The following CPEB3 variants were observed in gnomAD, a reference collection of about 807,000 sequenced individuals.
CPEB3 encodes cytoplasmic polyadenylation element-binding protein 3.
Under a neutral mutation model 67.2 loss-of-function variants are expected in CPEB3, and 20 were observed. That is an observed-to-expected ratio of 0.30 (90% confidence interval 0.21 to 0.43). The LOEUF is 0.43. Among genes scored for constraint, CPEB3 ranks in the 20% least tolerant of loss-of-function variants. The probability of loss-of-function intolerance (pLI) is 1.00; values close to 1 mark genes in which losing one functional copy is unlikely to be tolerated. For synonymous variants in CPEB3, 376 were observed against 393.1 expected (o/e 0.96, Z 0.51); for missense variants, 746 against 968.6 (o/e 0.77, Z 3.05).
At chr10:92,156,495 G>C (rs1296571119) in intron 4 of CPEB3, among the ~76,000 whole-genome samples, 1 of 152,136 alleles carries the variant, frequency 6.6e-6, no homozygotes, top group Non-Finnish European at 1.5e-5. Flanking sequence ...GAAAACTAGA[G>C]GGAAAATCTT....
intron 1 of CPEB3, chr10:92,272,132 G>C (rs143509457): frequency 6.6e-6 from 1 of 152,144 alleles, no homozygotes; most frequent in East Asian, 1.9e-4. Flanking sequence ...GTTAAGCATG[G>C]CCCCATAATT....
intron 9 of CPEB3, among the ~76,000 whole-genome samples, chr10:92,080,891 G>C (rs770924901): frequency 3.9e-5 from 6 of 152,056 alleles, no homozygotes; most frequent in Non-Finnish European, 8.8e-5. Flanking sequence ...GAGCCACCGC[G>C]CCCGGTCATT....
chr10:92,274,207 G>GA (rs979947818), intron 1 of CPEB3, among the ~76,000 whole-genome samples: 5 of 152,142 alleles, frequency 3.3e-5, no homozygotes, highest in Non-Finnish European at 7.3e-5. Context: ...TAATGCATGT[G>GA]AAGGGCCCAA....
At chr10:92,092,291 G>A (rs769617199) in intron 7 of CPEB3, among the ~76,000 whole-genome samples, 4 of 152,084 alleles carry the variant, frequency 2.6e-5, no homozygotes, top group Non-Finnish European at 5.9e-5. Flanking sequence ...TGTTTACAAC[G>A]TGTCACAGTA....
rs952109406 is a variant in CPEB3 at position 92,051,403 on chromosome 10, C to T, written c.*809G>A. ...GCTTTCTGAAGTCTATTCTGATCTC[C>T]GTTCGGCAGCTGACTCTATCCCTAA... is the stretch of plus-strand genomic sequence containing the variant. On this transcript the variant is annotated 3_prime_UTR_variant, in exon 10 of 10. Transcript: ENST00000265997. The T allele has an allele frequency of 5.9e-5, 9 of 152,522 alleles. No individual in the cohort carries two copies. Among genetic ancestry groups the T allele is most frequent in the Non-Finnish European group, 1.2e-4 (8 of 68,030 alleles). 9.4% of individuals were successfully genotyped at this position (152,522 alleles called of 1,614,324 possible).
At chr10:92,193,711 G>C (rs1849092821) in intron 2 of CPEB3, among the ~76,000 whole-genome samples, 1 of 151,724 alleles carries the variant, frequency 6.6e-6, no homozygotes, top group Non-Finnish European at 1.5e-5. Context: ...CCACAGTTAA[G>C]AACTCAAACG....
intron 1 of CPEB3, among the ~76,000 whole-genome samples, chr10:92,249,597 G>A (rs186518619): frequency 2.5e-4 from 38 of 151,178 alleles, no homozygotes; most frequent in Non-Finnish European, 4.7e-4. Context: ...GCAGTGAGCT[G>A]AGATCACACC....
At chr10:92,247,960 T>C (rs1349584253) in intron 1 of CPEB3, among the ~76,000 whole-genome samples, 1 of 152,196 alleles carries the variant, frequency 6.6e-6, no homozygotes, top group Non-Finnish European at 1.5e-5. Flanking sequence ...AGTGGTGTGA[T>C]CTTGGCTCAC....
intron 2 of CPEB3, among the ~76,000 whole-genome samples, chr10:92,226,280 G>A (rs1850970840): frequency 6.6e-6 from 1 of 152,182 alleles, no homozygotes; most frequent in African/African-American, 2.4e-5. Context: ...TCCTTTGTCT[G>A]ATTCAAGTAC....
chr10:92,218,559 T>C (rs1317537416), intron 2 of CPEB3, among the ~76,000 whole-genome samples: 1 of 152,210 alleles, frequency 6.6e-6, no homozygotes, highest in Non-Finnish European at 1.5e-5. Context: ...CATATGTGTA[T>C]GCCTAGGTAT....
At chr10:92,193,057 C>T (rs1170549930) in intron 2 of CPEB3, among the ~76,000 whole-genome samples, 1 of 152,014 alleles carries the variant, frequency 6.6e-6, no homozygotes, top group Non-Finnish European at 1.5e-5. Flanking sequence ...ACTAAAAATA[C>T]AAAAATTAGC....
rs773369888 is a variant in CPEB3, at chr10:92,051,892, G to A, written c.*320C>T. On this transcript the variant is annotated 3_prime_UTR_variant, in exon 10 of 10. Transcript: ENST00000265997. ...AAAGAATCACAGACAGTAGCCTGAC[G>A]GCCGCTGATGAGAATGGCAGTCTAC... is the stretch of plus-strand genomic sequence containing the variant. The A allele has an allele frequency of 5.5e-5, 12 of 219,780 alleles. 1 individual carries two copies. The highest frequency in any genetic ancestry group is 3.1e-4 in the East Asian group (3 of 9,674). 13.6% of individuals were successfully genotyped at this position (219,780 alleles called of 1,614,324 possible).
At chr10:92,153,258 G>A (rs1316324026) in intron 4 of CPEB3, among the ~76,000 whole-genome samples, 1 of 152,162 alleles carries the variant, frequency 6.6e-6, no homozygotes, top group African/African-American at 2.4e-5. Context: ...GCTTTTGACA[G>A]AAATACTCAA....
chr10:92,140,736 C>T (rs1254379479), intron 6 of CPEB3, among the ~76,000 whole-genome samples: 2 of 127,106 alleles, frequency 1.6e-5, no homozygotes, highest in East Asian at 4.5e-4. Flanking sequence ...ACTCATCTGA[C>T]AAAGGGCTAA....
At chr10:92,271,800 T>A (rs1190932653) in intron 1 of CPEB3, among the ~76,000 whole-genome samples, 1 of 152,162 alleles carries the variant, frequency 6.6e-6, no homozygotes, top group Non-Finnish European at 1.5e-5. Flanking sequence ...TATGTAAATA[T>A]CCTCTTAACA....
chr10:92,168,931 GA>G (rs1362016010), intron 4 of CPEB3, among the ~76,000 whole-genome samples: 2 of 151,468 alleles, frequency 1.3e-5, no homozygotes, highest in Non-Finnish European at 2.9e-5. Flanking sequence ...ACACAGCTGG[GA>G]TTACAGGTGC....
At chr10:92,243,337 A>G (rs1253551417) in intron 1 of CPEB3, 3 of 152,144 alleles carry the variant, frequency 2.0e-5, no homozygotes, top group Admixed American at 6.6e-5. Context: ...TTCACAAGGT[A>G]CTCGATCTGA....
intron 6 of CPEB3, among the ~76,000 whole-genome samples, chr10:92,116,341 TA>T (rs1230346665): frequency 6.6e-6 from 1 of 151,730 alleles, no homozygotes; most frequent in African/African-American, 2.4e-5. Context: ...GTAACCTAGA[TA>T]CTGAAGAAAA....
chr10:92,258,200 T>G (rs1167776930), intron 1 of CPEB3, among the ~76,000 whole-genome samples: 1 of 150,166 alleles, frequency 6.7e-6, no homozygotes, highest in Non-Finnish European at 1.5e-5. Flanking sequence ...CCCGGGTTCA[T>G]GCAATTATCC....
Sources: gnomAD v4.1 joint callset for allele counts (sites outside exome capture counted in the v4.1 genomes callset) on GRCh38, gnomAD v4.1.1 for gene constraint, MANE v1.5 for transcripts, NCBI Gene and HGNC (gene_info 2026-07-23, HGNC 2026-07-21) for gene names.